Variants in GPC6 observed in about 807,000 individuals in gnomAD.
GPC6 encodes glypican-6.
A neutral mutation model predicts 55.2 loss-of-function variants in GPC6; 14 were observed. The observed-to-expected ratio is 0.25, with a 90% CI of 0.17 to 0.40. The LOEUF (loss-of-function observed/expected upper bound fraction) is 0.40. Among genes scored for constraint, GPC6 ranks in the 10% least tolerant of loss-of-function variants. The pLI, the probability that GPC6 is intolerant of heterozygous loss-of-function variation, is 1.00. For missense variants in GPC6, 641 were observed against 708.5 expected (o/e 0.90, Z 1.08); for synonymous variants, 278 against 259.6 (o/e 1.07, Z -0.68).
intron 2 of GPC6, among the ~76,000 whole-genome samples, chr13:93,812,292 G>A (rs1353228109): frequency 6.6e-6 from 1 of 152,046 alleles, no homozygotes; most frequent in Non-Finnish European, 1.5e-5. Context: ...GGGAGGCTGA[G>A]GCAGATTTGC....
chr13:93,357,423 T>C (rs913456114), intron 1 of GPC6, among the ~76,000 whole-genome samples: 1 of 152,176 alleles, frequency 6.6e-6, no homozygotes, highest in African/African-American at 2.4e-5. Context: ...AGAAAGGAGA[T>C]GGGGAAAATA....
chr13:93,243,555 G>C (rs970804649), intron 1 of GPC6, among the ~76,000 whole-genome samples: 5 of 152,176 alleles, frequency 3.3e-5, no homozygotes, highest in Non-Finnish European at 7.3e-5. Context: ...GTCTCCCAGT[G>C]GCAGGTGCGA....
chr13:94,160,588 C>T (rs1418375976), intron 4 of GPC6, among the ~76,000 whole-genome samples: 1 of 152,222 alleles, frequency 6.6e-6, no homozygotes, highest in Non-Finnish European at 1.5e-5. Flanking sequence ...CCGTGGTAAG[C>T]ACAACACCTG....
At chr13:93,975,177 T>G (rs1880461560) in intron 3 of GPC6, among the ~76,000 whole-genome samples, 1 of 152,228 alleles carries the variant, frequency 6.6e-6, no homozygotes, top group Admixed American at 6.5e-5. Flanking sequence ...TGAGGATCAC[T>G]TCTTTCTAAT....
In GPC6 at chr13:93,320,926, G is replaced by A. The variant is rs947851028; in HGVS notation, c.160+93310G>A. The stretch of plus-strand genomic sequence containing the variant: ...AACGAATTTCTATTGTAACAATAGC[G>A]GTTTTTTAAATTGCAATGGTTTTTG... On this transcript the variant is annotated intron_variant, in intron 1 of 8. Coordinates refer to ENST00000377047, the MANE Select transcript of GPC6 (RefSeq NM_005708.5). 4.9e-5 allele frequency among the ~76,000 whole-genome samples: 7 copies of A among 143,952 alleles called. No homozygotes were observed. In the East Asian group the frequency reaches 8.5e-4, roughly 17 times the overall value. 94.4% of individuals were successfully genotyped at this position (143,952 alleles called of 152,430 possible). A position where few individuals can be genotyped will look rare whatever the true frequency, so the allele number is the denominator to read the frequency against.
At chr13:93,607,193 G>T (rs1277490313) in intron 2 of GPC6, among the ~76,000 whole-genome samples, 1 of 151,978 alleles carries the variant, frequency 6.6e-6, no homozygotes, top group South Asian at 2.1e-4. Flanking sequence ...AGTCTTATTC[G>T]GATATGACAT....
intron 3 of GPC6, among the ~76,000 whole-genome samples, chr13:94,003,486 G>A (rs186322224): frequency 6.6e-6 from 1 of 152,184 alleles, no homozygotes; most frequent in East Asian, 1.9e-4. Flanking sequence ...CTTTGATTGG[G>A]ATAAGCAAAA....
chr13:93,933,109 C>T (rs766362273), intron 3 of GPC6, among the ~76,000 whole-genome samples: 3 of 150,296 alleles, frequency 2.0e-5, no homozygotes, highest in South Asian at 4.2e-4. Context: ...CTTCTGTTGT[C>T]GTATCTCCTA....
At chr13:94,120,400 GGC>G (rs1886585573) in intron 4 of GPC6, among the ~76,000 whole-genome samples, 1 of 151,736 alleles carries the variant, frequency 6.6e-6, no homozygotes, top group Admixed American at 6.6e-5. Context: ...GTATGATCCT[GGC>G]CTTAGTCACT....
At chr13:94,214,992 T>C (rs1890184624) in intron 4 of GPC6, among the ~76,000 whole-genome samples, 1 of 152,234 alleles carries the variant, frequency 6.6e-6, no homozygotes, top group Admixed American at 6.5e-5. Context: ...GCCCCTTTTC[T>C]TAAAGATGTG....
chr13:93,998,567 T>C (rs1209639543), intron 3 of GPC6, among the ~76,000 whole-genome samples: 2 of 152,118 alleles, frequency 1.3e-5, no homozygotes, highest in African/African-American at 2.4e-5. Flanking sequence ...AGAGTGGGGA[T>C]AGAATGGAAC....
intron 1 of GPC6, among the ~76,000 whole-genome samples, chr13:93,500,832 CA>C (rs1472412144): frequency 6.6e-6 from 1 of 152,036 alleles, no homozygotes; most frequent in Non-Finnish European, 1.5e-5. Flanking sequence ...CTGTTTCTTC[CA>C]AAACTGTTGC....
chr13:93,568,866 C>T (rs9589774), intron 2 of GPC6, among the ~76,000 whole-genome samples: 7,517 of 152,214 alleles, frequency 0.049, 621 homozygotes, highest in African/African-American at 0.17. Context: ...CTAGAATCTG[C>T]TTGCTCCTGT....
chr13:94,088,729 T>A (rs1885376575), intron 4 of GPC6, among the ~76,000 whole-genome samples: 1 of 96,840 alleles, frequency 1.0e-5, no homozygotes, highest in African/African-American at 3.7e-5. Flanking sequence ...AGTGCTGTCT[T>A]CTTGTAATTT....
At chr13:93,363,471 T>A (rs1019950924) in intron 1 of GPC6, among the ~76,000 whole-genome samples, 2 of 152,158 alleles carry the variant, frequency 1.3e-5, no homozygotes, top group Non-Finnish European at 2.9e-5. Flanking sequence ...AACTCATCAT[T>A]TTTTATGGCT....
At chr13:93,833,816 T>C (rs1038836085) in intron 3 of GPC6, among the ~76,000 whole-genome samples, 3 of 152,128 alleles carry the variant, frequency 2.0e-5, no homozygotes, top group Admixed American at 2.0e-4. Flanking sequence ...CTTGCCATCT[T>C]ATGGATACAA....
intron 2 of GPC6, among the ~76,000 whole-genome samples, chr13:93,823,112 C>T (rs1472835902): frequency 6.6e-6 from 1 of 151,996 alleles, no homozygotes; most frequent in African/African-American, 2.4e-5. Flanking sequence ...ATCCGCCTGC[C>T]ATGGCCTTTC....
At chr13:93,511,185 C>T (rs1264284895) in intron 1 of GPC6, among the ~76,000 whole-genome samples, 1 of 150,270 alleles carries the variant, frequency 6.7e-6, no homozygotes, top group Non-Finnish European at 1.5e-5. Flanking sequence ...TGTGCAGAAG[C>T]ATTTTAAAAA....
chr13:94,154,004 G>T (rs1300239941), intron 4 of GPC6, among the ~76,000 whole-genome samples: 2 of 152,114 alleles, frequency 1.3e-5, no homozygotes, highest in African/African-American at 4.8e-5. Context: ...TTATTCTAAT[G>T]TATAATAACC....
Sources: gnomAD v4.1 joint callset for allele counts (sites outside exome capture counted in the v4.1 genomes callset) on GRCh38, gnomAD v4.1.1 for gene constraint, MANE v1.5 for transcripts, NCBI Gene and HGNC (gene_info 2026-07-23, HGNC 2026-07-21) for gene names.